C16orf92: variants seen among roughly 807,000 people sequenced by gnomAD.
C16orf92 encodes the protein fertilization-influencing membrane protein 1, also known as fertilization-influencing membrane protein.
A neutral mutation model predicts 13.7 loss-of-function variants in C16orf92; 14 were observed. The ratio of observed to expected loss-of-function variants is 1.02; its 90% CI spans 0.67 to 1.60. The LOEUF is 1.60. Ranked by LOEUF, C16orf92 falls within the 40% of genes most tolerant of loss-of-function variation. C16orf92 has a pLI of 0.00. For synonymous variants in C16orf92, 50 were observed against 57.4 expected, an observed-to-expected ratio of 0.87 and a Z score of 0.58; for missense variants, 116 against 139.0, an observed-to-expected ratio of 0.83 and a Z score of 0.83.
intron 1 of C16orf92, 151 bp from the exon 2 acceptor site, chr16:30,023,576 T>C: frequency 2.0e-6 from 3 of 1,480,234 alleles, no homozygotes; most frequent in Non-Finnish European, 2.8e-6. Context: ...CTTGTCGTGG[T>C]GCACCCAGCT....
chr16:30,024,151 C>T, intron 3 of C16orf92, 55 bp from the exon 4 acceptor site: 1 of 1,611,762 alleles, frequency 6.2e-7, no homozygotes, highest in Non-Finnish European at 8.5e-7. Flanking sequence ...GCTGAAGACC[C>T]CAGTTCTAGC....
chr16:30,026,596 C>A (rs1327209726), downstream of C16orf92: 1 of 1,607,232 alleles, frequency 6.2e-7, no homozygotes, highest in Non-Finnish European at 8.5e-7. Flanking sequence ...CCGCCCAGCT[C>A]CCCGGGACTC....
At chr16:30,025,033 G>A (rs959416075), downstream of C16orf92, 9 of 574,780 alleles carry the variant, frequency 1.6e-5, no homozygotes, top group African/African-American at 9.8e-5. The surrounding 1 kb of genome is among the most constrained non-coding windows in gnomAD (Gnocchi z 4.1). Context: ...CTCAGTCCCC[G>A]AGAGATGGGG....
At position 30,023,822 on chromosome 16, in the gene C16orf92, C is replaced by A. The variant is rs2070960201; in HGVS notation, c.160C>A (p.Gln54Lys). The change falls in exon 2 of 4, where the codon CAA (glutamine) becomes AAA (lysine). Residue 54 changes from glutamine to lysine, a missense_variant. Transcript: ENST00000681219. The stretch of plus-strand genomic sequence containing the variant: ...CTTCTTCGATTATCCGGACTCAGAC[C>A]AAGCCAGGCTGCTGGCTGTGGCCCA... ...PDFFDYPDSD[Q>K]ARLLAVAQFI... 1 of 1,614,036 alleles carries A rather than the reference C, an allele frequency of 6.2e-7. No homozygotes were observed. The highest frequency in any genetic ancestry group is 8.5e-7 in the Non-Finnish European group (1 of 1,180,034).
At chr16:30,023,974 G>A (rs1230442151) in intron 2 of C16orf92, 25 bp from the exon 3 acceptor site, 1 of 1,602,982 alleles carries the variant, frequency 6.2e-7, no homozygotes, top group Admixed American at 1.7e-5. Flanking sequence ...TCAGAGGGGA[G>A]TTAAGGGTCC....
In C16orf92 at chr16:30,024,419, G is replaced by C; in HGVS notation, c.*192G>C. Reference sequence around the variant, plus strand: ...CAGCCCCAAAGAACTTGGTGGCAAGGGCCTTGGTGGCGTTCACGCAGATCG... The same window carrying C: ...CAGCCCCAAAGAACTTGGTGGCAAGCGCCTTGGTGGCGTTCACGCAGATCG... On this transcript the variant is annotated 3_prime_UTR_variant, in exon 4 of 4. Transcript: ENST00000681219. The C allele has an allele frequency of 1.3e-6, 1 of 759,716 alleles. No individual in the cohort carries two copies. The highest frequency in any genetic ancestry group is 1.9e-5 in the South Asian group (1 of 53,038). 47.1% of individuals were successfully genotyped at this position (759,716 alleles called of 1,614,324 possible).
chr16:30,025,258 G>A (rs751932144), downstream of C16orf92: 10 of 1,537,864 alleles, frequency 6.5e-6, no homozygotes, highest in South Asian at 1.1e-4. The surrounding 1 kb of genome is among the most constrained non-coding windows in gnomAD (Gnocchi z 4.1). Flanking sequence ...GGCAGATGAG[G>A]AAGAACCAGT....
downstream of C16orf92, chr16:30,025,206 G>GGGGCGGCC (rs749432950): frequency 3.5e-5 from 52 of 1,490,616 alleles, 1 homozygote; most frequent in Middle Eastern, 2.3e-4. The surrounding 1 kb of genome is among the most constrained non-coding windows in gnomAD (Gnocchi z 4.1). Context: ...TGGCAGGCCG[G>GGGGCGGCC]GGGCGGCCGG....
chr16:30,026,532 C>A, downstream of C16orf92: 1 of 1,337,774 alleles, frequency 7.5e-7, no homozygotes, highest in South Asian at 1.3e-5. Flanking sequence ...CCCGGGGCTT[C>A]CCAGGCTCCT....
chr16:30,026,752 G>C, downstream of C16orf92: 1 of 1,614,162 alleles, frequency 6.2e-7, no homozygotes, highest in Non-Finnish European at 8.5e-7. Context: ...CCTTTGACCT[G>C]GTGCTTGTGC....
At position 30,023,236 on chromosome 16, in the gene C16orf92, G is replaced by T. The variant is rs1216435885; in HGVS notation, c.-105G>T. ...TCCTCTTCTGATGAGAGTGAGGGAT[G>T]GGGGAGGGGTCCCAGCTCCTAGCAC... is the stretch of plus-strand genomic sequence containing the variant. On this transcript the variant is annotated 5_prime_UTR_variant, in exon 1 of 4. It removes an upstream start codon present in the reference 5' UTR. Transcript: ENST00000681219. 4 of 961,758 alleles carry T rather than the reference G, an allele frequency of 4.2e-6. No homozygotes were observed. Among genetic ancestry groups the T allele is most frequent in the African/African-American group, 3.3e-5 (2 of 61,466 alleles). The allele number at this position is 961,758 out of a possible 1,614,324, so 59.6% of individuals were successfully genotyped here. A position where few individuals can be genotyped will look rare whatever the true frequency, so the allele number is the denominator to read the frequency against.
chr16:30,025,146 G>T (rs554564509), downstream of C16orf92: 2,885 of 1,298,676 alleles, frequency 2.2e-3, 5 homozygotes, highest in Middle Eastern at 2.8e-3. This position sits in a 1 kb window ranked among gnomAD's most constrained non-coding sequence, Gnocchi z 4.1. Context: ...CTCCACGGGG[G>T]TGGGGGTGGG....
At chr16:30,026,461 C>G (rs1025072282), downstream of C16orf92, 28 of 722,206 alleles carry the variant, frequency 3.9e-5, no homozygotes, top group South Asian at 5.5e-5. Context: ...CTCAGTGAAC[C>G]CTGCCTGTCC....
Position 30,024,537 on chromosome 16 carries a change from A to G in C16orf92, c.*310A>G, listed in dbSNP as rs1189129474. On this transcript the variant is annotated 3_prime_UTR_variant, in exon 4 of 4. Coordinates refer to ENST00000681219, the MANE Select transcript of C16orf92 (RefSeq NM_001109659.2). ...AGGTCAGTAGCACCAGGGACATGGCAGGGCCCGAGGGCGCGATGTGCAGCC... is the reference window on the plus strand; with the variant it reads ...AGGTCAGTAGCACCAGGGACATGGCGGGGCCCGAGGGCGCGATGTGCAGCC... 1 of 434,872 alleles carries G rather than the reference A, an allele frequency of 2.3e-6. No homozygotes were observed. The highest frequency in any genetic ancestry group is 4.1e-6 in the Non-Finnish European group (1 of 242,718). 26.9% of individuals were successfully genotyped at this position (434,872 alleles called of 1,614,324 possible). A position where few individuals can be genotyped will look rare whatever the true frequency, so the allele number is the denominator to read the frequency against.
At chr16:30,024,999 G>GA (rs916841074), downstream of C16orf92, 16 of 534,648 alleles carry the variant, frequency 3.0e-5, no homozygotes, top group African/African-American at 3.2e-4. Flanking sequence ...AGAGTAGGGG[G>GA]AAGAGGTCCC....
At chr16:30,025,185 A>G, downstream of C16orf92, 1 of 1,450,254 alleles carries the variant, frequency 6.9e-7, no homozygotes, top group Non-Finnish European at 9.0e-7. This position sits in a 1 kb window ranked among gnomAD's most constrained non-coding sequence, Gnocchi z 4.1. Flanking sequence ...CCCCGGCCTC[A>G]GTCCTGGGCC....
rs2070988800 is a variant in C16orf92 at position 30,024,323 on chromosome 16, T to C, written c.*96T>C. 4 of 1,476,018 alleles carry C rather than the reference T, an allele frequency of 2.7e-6. No individual in the cohort carries two copies. In the South Asian group the frequency reaches 4.8e-5, roughly 18 times the overall value. The allele number at this position is 1,476,018 out of a possible 1,614,324, so 91.4% of individuals were successfully genotyped here. A position where few individuals can be genotyped will look rare whatever the true frequency, so the allele number is the denominator to read the frequency against. On this transcript the variant is annotated 3_prime_UTR_variant, in exon 4 of 4. Coordinates refer to ENST00000681219, the MANE Select transcript of C16orf92 (RefSeq NM_001109659.2). ...GTTCCCTGCTTTCCTCCTCCCTGAC[T>C]GCCCAGCGAGCAGCTGGGGATCCTG...
downstream of C16orf92, chr16:30,025,646 C>A: frequency 6.6e-7 from 1 of 1,511,292 alleles, no homozygotes; most frequent in East Asian, 2.3e-5. This position sits in a 1 kb window ranked among gnomAD's most constrained non-coding sequence, Gnocchi z 4.1. Context: ...GGGGCTAGAG[C>A]CCTTGGCAGC....
rs199957673 is a variant in C16orf92, at chr16:30,023,614, C to T, written c.65-113C>T. ...CCCTGAGGGAAATCAAGACCCTCCA[C>T]AGCCTCTGCAATAAGGCTGGGTGGT... On this transcript the variant is annotated intron_variant, in intron 1 of 3. Coordinates refer to ENST00000681219, the MANE Select transcript of C16orf92 (RefSeq NM_001109659.2). The T allele has an allele frequency of 8.0e-5, 126 of 1,577,882 alleles. 3 individuals carry two copies. The African/African-American group carries it at 1.3e-3, about 17-fold the overall frequency.
Sources: allele counts gnomAD v4.1 joint callset, GRCh38; gene constraint gnomAD v4.1.1; non-coding constraint Gnocchi (gnomAD v3.1); transcripts MANE v1.5; gene names NCBI Gene and HGNC (gene_info 2026-07-23, HGNC 2026-07-21).